The following SHPRH variants were observed in gnomAD, a reference collection of about 807,000 sequenced individuals.
The protein encoded by SHPRH is E3 ubiquitin-protein ligase SHPRH.
A neutral mutation model predicts 202.5 loss-of-function variants in SHPRH; 106 were observed. The observed-to-expected ratio is 0.52, with a 90% confidence interval of 0.45 to 0.62. The LOEUF (loss-of-function observed/expected upper bound fraction) is 0.62. SHPRH is among the 20% of genes least tolerant of loss of function. The probability of loss-of-function intolerance (pLI) is 0.00; values close to 1 mark genes in which losing one functional copy is unlikely to be tolerated. For missense variants in SHPRH, 1,710 were observed against 2,020.0 expected, an observed-to-expected ratio of 0.85 and a Z score of 2.94; for synonymous variants, 729 against 686.0, an observed-to-expected ratio of 1.06 and a Z score of -0.98.
rs770052714 is a variant in SHPRH, at chr6:145,935,128, C to G, written c.2769G>C (p.Trp923Cys). Residue 923 changes from tryptophan to cysteine, a missense_variant, in exon 13 of 30, where the codon TGG becomes TGC. Physicochemically the swap from Trp to Cys is radical, Grantham distance 215. This residue lies in a region of SHPRH where 277 missense variants were observed against 363.0 expected (regional missense o/e 0.76). Coordinates refer to ENST00000275233, the MANE Select transcript of SHPRH (RefSeq NM_001042683.3). Reference sequence around the variant, plus strand: ...GCCTTTCCACTGGAGAAAAGTGGAGCCAGTGTATTTCTTCGGTTTGTGGTG... The same window carrying G: ...GCCTTTCCACTGGAGAAAAGTGGAGGCAGTGTATTTCTTCGGTTTGTGGTG... ...QIPPQTEEIH[W>C]LHFSPVERHF... 6.2e-7 allele frequency: 1 copy of G among 1,613,508 alleles called. No individual in the cohort carries two copies. Among genetic ancestry groups the G allele is most frequent in the South Asian group, 1.1e-5 (1 of 91,046 alleles).
rs138097612 is a variant in SHPRH, at chr6:145,872,905, C to A, written c.222-8414G>T. Among the ~76,000 whole-genome samples, 3 of 152,216 alleles carry A rather than the reference C, an allele frequency of 2.0e-5. No homozygotes were observed. In the East Asian group the frequency reaches 5.8e-4, roughly 29 times the overall value. ...GCAGGGACATGGATGGAGCTGGAGG[C>A]CATCATCCTTAGCAAACTTACACAG... On this transcript the variant is annotated intron_variant, in intron 2 of 2. Transcript: ENST00000417762.
chr6:145,869,172 T>C (rs1481269945), intron 2 of SHPRH, among the ~76,000 whole-genome samples: 3 of 152,224 alleles, frequency 2.0e-5, no homozygotes, highest in Non-Finnish European at 4.4e-5. Flanking sequence ...GTTAAGGTCT[T>C]TGGCTCATTT....
chr6:145,944,450 T>C (rs1160141788), intron 8 of SHPRH, among the ~76,000 whole-genome samples: 4 of 152,014 alleles, frequency 2.6e-5, no homozygotes, highest in South Asian at 2.1e-4. Flanking sequence ...GGGAGTATGA[T>C]AGGCAGGTAG....
intron 25 of SHPRH, chr6:145,905,048 G>C (rs1341497459): frequency 1.3e-5 from 2 of 152,096 alleles, no homozygotes; most frequent in African/African-American, 4.8e-5. Flanking sequence ...AGGCTGTGCT[G>C]TTTACCAGTA....
chr6:145,926,339 A>G, intron 15 of SHPRH, 43 bp from the exon 16 acceptor site: 1 of 1,503,622 alleles, frequency 6.7e-7, no homozygotes, highest in Non-Finnish European at 9.2e-7. Context: ...GTCAATGCAG[A>G]AGACTCTGAA....
intron 11 of SHPRH, among the ~76,000 whole-genome samples, chr6:145,937,183 C>G (rs1582764594): frequency 6.6e-6 from 1 of 151,938 alleles, no homozygotes; most frequent in East Asian, 1.9e-4. Flanking sequence ...GAGGCTTCAT[C>G]ATGTTGGCCA....
intron 25 of SHPRH, chr6:145,903,564 T>C (rs1214211998): frequency 6.6e-6 from 1 of 151,968 alleles, no homozygotes; most frequent in Non-Finnish European, 1.5e-5. Context: ...TGAACAAAAA[T>C]ATTTATTTTA....
At chr6:145,904,732 A>G (rs989027758) in intron 25 of SHPRH, 2 of 152,150 alleles carry the variant, frequency 1.3e-5, no homozygotes, top group Non-Finnish European at 2.9e-5. Context: ...ATGGTACAAT[A>G]GTCTTATGTT....
At chr6:145,927,342 T>G in intron 14 of SHPRH, 65 bp from the exon 15 acceptor site, 1 of 1,345,642 alleles carries the variant, frequency 7.4e-7, no homozygotes, top group Non-Finnish European at 1.0e-6. Context: ...TGTCATCTAG[T>G]TGTCCATTAT....
intron 28 of SHPRH, among the ~76,000 whole-genome samples, chr6:145,891,816 T>C (rs1208813407): frequency 1.3e-5 from 2 of 152,182 alleles, no homozygotes; most frequent in Non-Finnish European, 2.9e-5. Flanking sequence ...TAATGCTGAA[T>C]GGCCTTTTGG....
At chr6:145,923,543 A>G (rs534511670) in intron 18 of SHPRH, 100 bp downstream of exon 18, 9 of 1,444,236 alleles carry the variant, frequency 6.2e-6, no homozygotes, top group South Asian at 2.8e-5. Context: ...ATGAATGGAG[A>G]AAAAAAGCCG....
At chr6:145,943,044 G>A in intron 9 of SHPRH, 99 bp downstream of exon 9, 1 of 1,360,970 alleles carries the variant, frequency 7.3e-7, no homozygotes, top group Non-Finnish European at 1.0e-6. Flanking sequence ...CATTCAGTTA[G>A]TTTTGAGGAT....
chr6:145,946,370 C>T (rs779214821), intron 6 of SHPRH, 29 bp from the exon 7 acceptor site: 21 of 1,534,090 alleles, frequency 1.4e-5, no homozygotes, highest in Non-Finnish European at 1.8e-5. Flanking sequence ...AGTAGTTACA[C>T]AGTGTTTTGC....
chr6:145,935,292 C>T lies in SHPRH; in HGVS notation c.2719G>A (p.Asp907Asn). Residue 907 changes from aspartate (D) to asparagine (N), a missense_variant, in exon 12 of 30, where the codon GAT (aspartate) becomes AAT (asparagine). Asp to Asn is a conservative substitution (Grantham distance 23). Coordinates refer to ENST00000275233, the MANE Select transcript of SHPRH (RefSeq NM_001042683.3). ...ATTGTACTGACTTGGTCAATCACAT[C>T]TTTCTTTGCAGACCTCCACAGTATC... ...AKILWRSAKK[D>N]VIDQIQIPPQ... 6.2e-7 allele frequency: 1 copy of T among 1,613,970 alleles called. No homozygotes were observed. The highest frequency in any genetic ancestry group is 8.5e-7 in the Non-Finnish European group (1 of 1,179,976).
intron 2 of SHPRH, among the ~76,000 whole-genome samples, chr6:145,865,656 G>C (rs1779745190): frequency 6.6e-6 from 1 of 152,184 alleles, no homozygotes; most frequent in African/African-American, 2.4e-5. Flanking sequence ...ATGCATTTGA[G>C]TAAGTTCTGA....
At chr6:145,883,536 A>C (rs1780742879), downstream of SHPRH, 1 of 152,222 alleles carries the variant, frequency 6.6e-6, no homozygotes, top group Non-Finnish European at 1.5e-5. Context: ...CCTTCCTCTA[A>C]GGGAAGGCTT....
chr6:145,911,123 A>AATT (rs2128736961), intron 24 of SHPRH, among the ~76,000 whole-genome samples: 1 of 152,098 alleles, frequency 6.6e-6, no homozygotes, highest in Non-Finnish European at 1.5e-5. Context: ...AACAAAAAGA[A>AATT]ATTATTATTA....
At chr6:145,941,271 T>A (rs1786746241) in intron 10 of SHPRH, among the ~76,000 whole-genome samples, 1 of 152,208 alleles carries the variant, frequency 6.6e-6, no homozygotes, top group Non-Finnish European at 1.5e-5. Flanking sequence ...ACTGTCAAAG[T>A]CAACTTTGGT....
rs370109061 is a variant in SHPRH, at chr6:145,935,143, G to C, written c.2754C>G (p.Thr918=). 1 of 1,613,298 alleles carries C rather than the reference G, an allele frequency of 6.2e-7. No homozygotes were observed. The stretch of plus-strand genomic sequence containing the variant: ...AAAAGTGGAGCCAGTGTATTTCTTC[G>C]GTTTGTGGTGGTATTTGGATCTGTG... ...VIDQIQIPPQ[T]EEIHWLHFSP... Residue 918 remains threonine, a synonymous_variant, in exon 13 of 30, where the codon ACC becomes ACG. Transcript: ENST00000275233.
Sources: gnomAD v4.1 joint callset for allele counts (sites outside exome capture counted in the v4.1 genomes callset) on GRCh38, gnomAD v4.1.1 for gene constraint, gnomAD v4.1.1 regional missense constraint, MANE v1.5 for transcripts, NCBI Gene and HGNC (gene_info 2026-07-23, HGNC 2026-07-21) for gene names.